The following DCDC2 variants were observed in gnomAD, a reference collection of about 807,000 sequenced individuals.
DCDC2 encodes doublecortin domain containing 2.
In DCDC2, 40 loss-of-function variants were observed where a neutral mutation model predicts 50.2. The ratio of observed to expected loss-of-function variants is 0.80; its 90% CI spans 0.62 to 1.04. The LOEUF (loss-of-function observed/expected upper bound fraction) is 1.04. Ranked by LOEUF, DCDC2 falls within the 50% of genes least tolerant of loss-of-function variation. The probability of loss-of-function intolerance (pLI) is 0.00; values close to 1 mark genes in which losing one functional copy is unlikely to be tolerated. For missense variants in DCDC2, 570 were observed against 581.9 expected, an observed-to-expected ratio of 0.98 and a Z score of 0.21; for synonymous variants, 234 against 210.6, an observed-to-expected ratio of 1.11 and a Z score of -0.96.
At chr6:24,279,874 G>A (rs908450704) in intron 6 of DCDC2, among the ~76,000 whole-genome samples, 1 of 152,174 alleles carries the variant, frequency 6.6e-6, no homozygotes, top group Non-Finnish European at 1.5e-5. Flanking sequence ...CAATGATAAG[G>A]CTTATGGAGT....
chr6:24,291,161 C>CA (rs879374891), intron 4 of DCDC2, 83 bp from the exon 5 acceptor site: 15 of 1,368,550 alleles, frequency 1.1e-5, no homozygotes, highest in South Asian at 2.6e-5. Context: ...TTCTGGATGT[C>CA]AAAAAAATTA....
Position 24,300,607 on chromosome 6 carries a change from AAT to A in DCDC2, c.557+1106_557+1107del, listed in dbSNP as rs1407971668. ...CAATGACTATGAGACTGTGGATATT[AAT>A]ATGTGTAAATATACAAACATTAATC... On this transcript the variant is annotated intron_variant, in intron 4 of 9. Transcript: ENST00000378454. Among the ~76,000 whole-genome samples, 179 of 152,348 alleles carry A rather than the reference AAT, an allele frequency of 1.2e-3. 2 individuals are homozygous for A. The highest frequency in any genetic ancestry group is 8.5e-4 in the Non-Finnish European group (58 of 68,030).
intron 8 of DCDC2, among the ~76,000 whole-genome samples, chr6:24,197,052 G>C (rs954858628): frequency 6.6e-6 from 1 of 151,966 alleles, no homozygotes; most frequent in Non-Finnish European, 1.5e-5. Flanking sequence ...TTATGACCAA[G>C]AGAGTCCAAG....
chr6:24,193,087 C>G (rs959828190), intron 8 of DCDC2, among the ~76,000 whole-genome samples: 1 of 151,974 alleles, frequency 6.6e-6, no homozygotes, highest in Non-Finnish European at 1.5e-5. Flanking sequence ...ATTGAAGAAT[C>G]CCCTCACAAT....
At chr6:24,362,205 T>C (rs1760675481), upstream of DCDC2, among the ~76,000 whole-genome samples, 1 of 151,040 alleles carries the variant, frequency 6.6e-6, no homozygotes, top group Non-Finnish European at 1.5e-5. Flanking sequence ...TATACAATTA[T>C]TTTTTATTTA....
At chr6:24,188,204 C>T (rs756258089) in intron 8 of DCDC2, among the ~76,000 whole-genome samples, 1 of 152,136 alleles carries the variant, frequency 6.6e-6, no homozygotes, top group African/African-American at 2.4e-5. Context: ...CAATGCTGGT[C>T]CCCAAATGAC....
intron 2 of DCDC2, among the ~76,000 whole-genome samples, chr6:24,302,729 T>G (rs1377953380): frequency 6.6e-6 from 1 of 152,048 alleles, no homozygotes; most frequent in Non-Finnish European, 1.5e-5. Context: ...AGACCAGCTT[T>G]CAGCATCAAG....
intron 8 of DCDC2, among the ~76,000 whole-genome samples, chr6:24,193,798 A>G (rs1761362987): frequency 6.6e-6 from 1 of 152,132 alleles, no homozygotes. Flanking sequence ...GAGTTTGGGA[A>G]AAAATCTAAA....
intron 2 of DCDC2, 106 bp downstream of exon 2, chr6:24,353,463 T>G: frequency 1.4e-6 from 1 of 699,710 alleles, no homozygotes; most frequent in Non-Finnish European, 2.6e-6. Flanking sequence ...TTTCTTTACA[T>G]TAGAGAACTC....
At position 24,185,679 on chromosome 6, in the gene DCDC2, C is replaced by CCATACA. The variant is rs1312229222; in HGVS notation, c.1024-7053_1024-7048dup. ...AAGGAACACCGGGTTTTACACCCAT[C>CCATACA]CATACACATACACACACACACACAC... On this transcript the variant is annotated intron_variant, in intron 8 of 9. Transcript: ENST00000378454. Among the ~76,000 whole-genome samples, 97 of 114,662 alleles carry CCATACA rather than the reference C, an allele frequency of 8.5e-4. 2 individuals are homozygous for CCATACA. The Admixed American group carries it at 8.6e-3, about 10-fold the overall frequency. 75.2% of individuals were successfully genotyped at this position (114,662 alleles called of 152,430 possible).
intron 2 of DCDC2, among the ~76,000 whole-genome samples, chr6:24,322,339 C>G (rs1421581493): frequency 6.6e-6 from 1 of 152,138 alleles, no homozygotes; most frequent in African/African-American, 2.4e-5. Context: ...TCGTGACTTA[C>G]TTTCCAATCT....
At chr6:24,318,780 C>CGTGTGTGTGTGTGT (rs57175093) in intron 2 of DCDC2, among the ~76,000 whole-genome samples, 4,453 of 149,630 alleles carry the variant, frequency 0.03, 156 homozygotes, top group African/African-American at 0.077. Context: ...TATATACGTA[C>CGTGTGTGTGTGTGT]GTGTGTGTGT....
the DCDC2 span, among the ~76,000 whole-genome samples, chr6:24,365,377 T>C: frequency 2.0e-5 from 3 of 152,142 alleles, no homozygotes; most frequent in Non-Finnish European, 4.4e-5. Flanking sequence ...CTGCAACCTC[T>C]GCCTCTCGGG....
At chr6:24,337,433 T>C (rs1461006017) in intron 2 of DCDC2, among the ~76,000 whole-genome samples, 2 of 151,132 alleles carry the variant, frequency 1.3e-5, no homozygotes, top group Non-Finnish European at 1.5e-5. Flanking sequence ...AAAAAAAAAA[T>C]GTCAATTGAG....
chr6:24,371,503 G>A, the DCDC2 span, among the ~76,000 whole-genome samples: 1 of 152,060 alleles, frequency 6.6e-6, no homozygotes, highest in African/African-American at 2.4e-5. Flanking sequence ...GGCTACTTGG[G>A]AAGCTGAGGT....
chr6:24,191,122 T>C (rs1761304373), intron 8 of DCDC2, among the ~76,000 whole-genome samples: 1 of 152,230 alleles, frequency 6.6e-6, no homozygotes, highest in Non-Finnish European at 1.5e-5. Context: ...AAATATTTTA[T>C]AATTGTTTAG....
chr6:24,376,301 G>A, the DCDC2 span, among the ~76,000 whole-genome samples: 1 of 152,348 alleles, frequency 6.6e-6, no homozygotes, highest in East Asian at 1.9e-4. Flanking sequence ...TAACATGGAA[G>A]AGGGAGGGGG....
chr6:24,235,593 C>T (rs184165636), intron 7 of DCDC2, among the ~76,000 whole-genome samples: 69 of 152,180 alleles, frequency 4.5e-4, no homozygotes, highest in Middle Eastern at 3.4e-3. Flanking sequence ...TGATCAAAAT[C>T]CAACATCCCT....
chr6:24,256,269 T>C (rs1242830277), intron 7 of DCDC2, among the ~76,000 whole-genome samples: 1 of 122,510 alleles, frequency 8.2e-6, no homozygotes, highest in Non-Finnish European at 1.8e-5. Context: ...TCTCAGATGC[T>C]GGACATTTTT....
Sources: allele counts gnomAD v4.1 joint callset (sites outside exome capture counted in the v4.1 genomes callset), GRCh38; gene constraint gnomAD v4.1.1; transcripts MANE v1.5; gene names NCBI Gene and HGNC (gene_info 2026-07-23, HGNC 2026-07-21).